CST3: variants seen among roughly 807,000 people sequenced by gnomAD.
CST3 encodes the protein cystatin-C.
CST3 carries 14 observed loss-of-function variants against 9.0 expected under a neutral mutation model. That is an observed-to-expected ratio of 1.56 (90% CI 1.03 to 2.44). The LOEUF (loss-of-function observed/expected upper bound fraction) is 2.44. CST3 is among the 30% of genes most tolerant of loss of function. The pLI is 0.00. For missense variants in CST3, 237 were observed against 204.3 expected (o/e 1.16, Z -0.98); for synonymous variants, 96 against 90.2 (o/e 1.06, Z -0.37).
At chr20:23,630,772 TA>T (rs34339274), downstream of CST3, among the ~76,000 whole-genome samples, 2,254 of 136,422 alleles carry the variant, frequency 0.017, 23 homozygotes, top group African/African-American at 0.039. Context: ...AAGGCAGAGT[TA>T]AAAAAAAAAA....
At chr20:23,630,697 C>T (rs528284374), downstream of CST3, among the ~76,000 whole-genome samples, 120 of 151,862 alleles carry the variant, frequency 7.9e-4, no homozygotes, top group African/African-American at 2.8e-3. Context: ...CAGCTCTCCT[C>T]TGTCTCTCAC....
At position 23,637,605 on chromosome 20, in the gene CST3, G is replaced by T. The variant is rs778669526; in HGVS notation, c.243+15C>A. ...CGGGGCCGGGGCTTCGGACCCTGCG[G>T]GGGGCGGCACGCACCTGCTTGCGGG... On this transcript the variant is annotated intron_variant, in intron 1 of 2. Transcript: ENST00000376925. 2.0e-5 allele frequency: 30 copies of T among 1,509,050 alleles called. No individual in the cohort carries two copies. The highest frequency in any genetic ancestry group is 2.4e-5 in the Non-Finnish European group (27 of 1,129,150). 93.5% of individuals were successfully genotyped at this position (1,509,050 alleles called of 1,614,324 possible). A position where few individuals can be genotyped will look rare whatever the true frequency, so the allele number is the denominator to read the frequency against.
chr20:23,634,223 C>T (rs533080598), intron 2 of CST3, among the ~76,000 whole-genome samples: 6 of 152,232 alleles, frequency 3.9e-5, no homozygotes, highest in Admixed American at 2.0e-4. Context: ...GCACTGGGCC[C>T]CCACCCCAGC....
rs377587451 is a variant in CST3, at chr20:23,637,644, C to T, written c.219G>A (p.Leu73=). 44 of 1,526,398 alleles carry T rather than the reference C, an allele frequency of 2.9e-5. No individual in the cohort carries two copies. In the African/African-American group the frequency reaches 5.9e-4, roughly 20 times the overall value. 94.6% of individuals were successfully genotyped at this position (1,526,398 alleles called of 1,614,324 possible). The change falls in exon 1 of 3, where the codon CTG becomes CTA. Residue 73 remains leucine, a synonymous_variant. Coordinates refer to ENST00000376925, the MANE Select transcript of CST3 (RefSeq NM_000099.4). ...ASNDMYHSRA[L]QVVRARKQIV... is the part of the protein sequence containing the mutation. ...CCTGCTTGCGGGCGCGCACCACCTGCAGCGCGCGGCTGTGGTACATGTCGT... is the reference window on the plus strand; with the variant it reads ...CCTGCTTGCGGGCGCGCACCACCTGTAGCGCGCGGCTGTGGTACATGTCGT...
At chr20:23,626,898 T>A (rs1979275477) in exon 4 of CST3, 1 of 152,184 alleles carries the variant, frequency 6.6e-6, no homozygotes, top group African/African-American at 2.4e-5. Context: ...TAAGTTGTGG[T>A]GTTGTTTAAT....
rs773883603 is a variant in CST3 at position 23,635,324 on chromosome 20, C to T, written c.287G>A (p.Arg96Gln). The T allele has an allele frequency of 5.0e-6, 8 of 1,613,736 alleles. No homozygotes were observed. Among genetic ancestry groups the T allele is most frequent in the East Asian group, 4.5e-5 (2 of 44,892 alleles). The change falls in exon 2 of 3, where the codon CGA (arginine) becomes CAA (glutamine). Residue 96 changes from arginine (R) to glutamine (Q), a missense_variant. Physicochemically the swap from Arg to Gln is conservative, Grantham distance 43 (BLOSUM62 1). Coordinates refer to ENST00000376925, the MANE Select transcript of CST3 (RefSeq NM_000099.4). ...GGGCTGGGTCTTGGTACACGTGGTT[C>T]GGCCCAGCTCCACGTCCAAGAAGTA... ...VNYFLDVELG[R>Q]TTCTKTQPNL... is the part of the protein sequence containing the mutation.
Position 23,633,860 on chromosome 20 carries a change from GGGGGTGGGA to G in CST3, c.*47_*55del. 1 of 1,438,342 alleles carries G rather than the reference GGGGGTGGGA, an allele frequency of 7.0e-7. No homozygotes were observed. The highest frequency in any genetic ancestry group is 1.7e-5 in the Admixed American group (1 of 59,698). The allele number at this position is 1,438,342 out of a possible 1,614,324, so 89.1% of individuals were successfully genotyped here. On this transcript the variant is annotated 3_prime_UTR_variant, in exon 3 of 3. Transcript: ENST00000376925. Reference sequence around the variant, plus strand: ...CCACCAGTCCAGGGGTGGGAATACAGGGGGTGGGAGGTGTGCATAAGAGGTGATAGGCAC... The same window carrying G: ...CCACCAGTCCAGGGGTGGGAATACAGGGTGTGCATAAGAGGTGATAGGCAC...
downstream of CST3, among the ~76,000 whole-genome samples, chr20:23,631,023 T>C (rs1156695808): frequency 6.6e-6 from 1 of 152,130 alleles, no homozygotes; most frequent in African/African-American, 2.4e-5. Flanking sequence ...TGTCAATTTT[T>C]TTTCCTAAAA....
exon 4 of CST3, chr20:23,628,475 C>A (rs1020441032): frequency 1.3e-5 from 2 of 152,186 alleles, no homozygotes; most frequent in African/African-American, 4.8e-5. Flanking sequence ...AGGTCCTCCA[C>A]TTTCTGCAAG....
chr20:23,628,245 T>G (rs1183557919), exon 4 of CST3: 2 of 152,220 alleles, frequency 1.3e-5, no homozygotes, highest in Non-Finnish European at 2.9e-5. Flanking sequence ...GATTGATTGC[T>G]GATTTCAATC....
At chr20:23,635,767 C>T (rs1017673968) in intron 1 of CST3, among the ~76,000 whole-genome samples, 1 of 152,234 alleles carries the variant, frequency 6.6e-6, no homozygotes, top group Non-Finnish European at 1.5e-5. Context: ...CCTCATTTCT[C>T]ACTAGGAGAT....
intron 2 of CST3, 124 bp downstream of exon 2, chr20:23,635,130 C>T (rs1979609982): frequency 2.4e-6 from 2 of 848,788 alleles, no homozygotes; most frequent in Non-Finnish European, 4.0e-6. Flanking sequence ...TATGCATCTC[C>T]ACGTGTACAC....
chr20:23,628,598 G>C (rs996112783), exon 4 of CST3: 21 of 152,214 alleles, frequency 1.4e-4, no homozygotes, highest in African/African-American at 4.8e-4. Context: ...CAAGAGCACA[G>C]GGCTGGAAAC....
At chr20:23,634,048 C>A in intron 2 of CST3, 49 bp from the exon 3 acceptor site, 2 of 1,483,024 alleles carry the variant, frequency 1.3e-6, no homozygotes, top group Non-Finnish European at 1.9e-6. Flanking sequence ...CAGTTCAAAG[C>A]AGAAGATGCC....
downstream of CST3, among the ~76,000 whole-genome samples, chr20:23,630,790 C>CA (rs1248012110): frequency 6.8e-6 from 1 of 146,532 alleles, no homozygotes; most frequent in Admixed American, 6.7e-5. Context: ...AAAAAAAAGG[C>CA]AAACTCAATA....
chr20:23,632,914 C>T (rs1385895976), downstream of CST3, among the ~76,000 whole-genome samples: 1 of 152,182 alleles, frequency 6.6e-6, no homozygotes, highest in African/African-American at 2.4e-5. Context: ...AAAGAAGAGT[C>T]CACTGCATTG....
intron 1 of CST3, among the ~76,000 whole-genome samples, chr20:23,635,897 G>A (rs1031367908): frequency 2.6e-5 from 4 of 152,144 alleles, no homozygotes; most frequent in African/African-American, 9.7e-5. Flanking sequence ...CATGTCTTAG[G>A]GTTGCAACTT....
At chr20:23,632,804 T>C (rs1317698709), downstream of CST3, among the ~76,000 whole-genome samples, 1 of 152,228 alleles carries the variant, frequency 6.6e-6, no homozygotes, top group African/African-American at 2.4e-5. Context: ...GGGTGGGCTG[T>C]GTCTTAGGAC....
At chr20:23,630,025 A>G (rs913960358), downstream of CST3, among the ~76,000 whole-genome samples, 1 of 152,242 alleles carries the variant, frequency 6.6e-6, no homozygotes, top group Non-Finnish European at 1.5e-5. Flanking sequence ...CCACAGGCAG[A>G]TGTGACCATG....
Sources: gnomAD v4.1 joint callset for allele counts (sites outside exome capture counted in the v4.1 genomes callset) on GRCh38, gnomAD v4.1.1 for gene constraint, MANE v1.5 for transcripts, NCBI Gene and HGNC (gene_info 2026-07-23, HGNC 2026-07-21) for gene names.